The following ROBO2 variants were observed in gnomAD, a reference collection of about 807,000 sequenced individuals.
The protein encoded by ROBO2 is roundabout guidance receptor 2, also known as roundabout homolog 2.
Under a neutral mutation model 160.8 loss-of-function variants are expected in ROBO2, and 53 were observed. The observed-to-expected ratio is 0.33, with a 90% CI of 0.26 to 0.41. The LOEUF (loss-of-function observed/expected upper bound fraction) is 0.41, where lower values mean the gene tolerates loss of function less well. ROBO2 is among the 10% of genes least tolerant of loss of function. The pLI is 1.00. For missense variants in ROBO2, 1,577 were observed against 1,722.4 expected, an observed-to-expected ratio of 0.92 and a Z score of 1.49; for synonymous variants, 664 against 611.7, an observed-to-expected ratio of 1.09 and a Z score of -1.26.
chr3:75,919,561 A>G (rs1165667968), intron 1 of ROBO2, among the ~76,000 whole-genome samples: 1 of 152,204 alleles, frequency 6.6e-6, no homozygotes, highest in Admixed American at 6.5e-5. Flanking sequence ...AAAATGAGTT[A>G]GGGAGGAGTC....
chr3:75,954,547 C>T (rs184443797), intron 2 of ROBO2, among the ~76,000 whole-genome samples: 5 of 152,000 alleles, frequency 3.3e-5, no homozygotes, highest in Admixed American at 3.3e-4. Context: ...CCTCTGTTAA[C>T]GTTATGTCCC....
At chr3:75,978,708 G>A (rs1259721261) in intron 2 of ROBO2, among the ~76,000 whole-genome samples, 1 of 151,540 alleles carries the variant, frequency 6.6e-6, no homozygotes, top group African/African-American at 2.4e-5. Flanking sequence ...ACACATGCAA[G>A]TTCCATGAAA....
intron 2 of ROBO2, among the ~76,000 whole-genome samples, chr3:76,332,894 T>C (rs1221743568): frequency 6.6e-6 from 1 of 152,230 alleles, no homozygotes; most frequent in Non-Finnish European, 1.5e-5. Context: ...TTTTTTGTTA[T>C]ATAACACAAC....
At chr3:76,743,006 C>T (rs2108069460) in intron 2 of ROBO2, among the ~76,000 whole-genome samples, 1 of 152,172 alleles carries the variant, frequency 6.6e-6, no homozygotes, top group South Asian at 2.1e-4. Context: ...TTAGAAAAAT[C>T]CTCCTATTTT....
intron 2 of ROBO2, among the ~76,000 whole-genome samples, chr3:77,125,847 T>C (rs545706593): frequency 2.0e-5 from 3 of 152,152 alleles, no homozygotes; most frequent in African/African-American, 7.2e-5. Flanking sequence ...TAAAATAAAC[T>C]ATATACAATT....
intron 2 of ROBO2, among the ~76,000 whole-genome samples, chr3:77,172,488 T>C (rs2150753357): frequency 6.6e-6 from 1 of 152,326 alleles, no homozygotes; most frequent in East Asian, 1.9e-4. Flanking sequence ...TGCATTATTC[T>C]ACCATTCAGA....
intron 2 of ROBO2, among the ~76,000 whole-genome samples, chr3:77,268,924 CTA>C (rs1236176444): frequency 6.6e-6 from 1 of 152,066 alleles, no homozygotes; most frequent in Non-Finnish European, 1.5e-5. Flanking sequence ...TAGTTATATT[CTA>C]TGTTTGTAAT....
chr3:76,200,621 A>T (rs1309402988), intron 2 of ROBO2, among the ~76,000 whole-genome samples: 1 of 152,212 alleles, frequency 6.6e-6, no homozygotes, highest in Non-Finnish European at 1.5e-5. Context: ...ACAGAATTAA[A>T]TTAATTTCTC....
intron 2 of ROBO2, among the ~76,000 whole-genome samples, chr3:76,673,525 T>G (rs2092325293): frequency 6.6e-6 from 1 of 152,186 alleles, no homozygotes; most frequent in Non-Finnish European, 1.5e-5. Context: ...TCAGAACCAT[T>G]CATATGTTTT....
chr3:75,979,318 G>T lies in ROBO2; in HGVS notation c.109+41716G>T, dbSNP rs59569358. Among the ~76,000 whole-genome samples the T allele has an allele frequency of 3.1e-3, 466 of 151,548 alleles. 4 individuals carry two copies. The highest frequency in any genetic ancestry group is 0.014 in the East Asian group (71 of 5,106). On this transcript the variant is annotated intron_variant, in intron 2 of 26. Transcript: ENST00000487694. Reference sequence around the variant, plus strand: ...GTAAGGGAATATACACACATATATAGAGAGAGATAATAATAGACTTGCTTA... The same window carrying T: ...GTAAGGGAATATACACACATATATATAGAGAGATAATAATAGACTTGCTTA...
chr3:76,931,133 A>C (rs903965540), intron 2 of ROBO2, among the ~76,000 whole-genome samples: 4 of 152,172 alleles, frequency 2.6e-5, no homozygotes, highest in African/African-American at 9.7e-5. Flanking sequence ...TTCTGTTACT[A>C]TGTTAAAGTA....
chr3:76,921,726 G>A (rs2076674828), intron 2 of ROBO2, among the ~76,000 whole-genome samples: 1 of 151,894 alleles, frequency 6.6e-6, no homozygotes, highest in African/African-American at 2.4e-5. Flanking sequence ...CACCATTCTT[G>A]GCACTTGAGA....
intron 2 of ROBO2, among the ~76,000 whole-genome samples, chr3:76,142,299 A>G (rs909551888): frequency 2.0e-5 from 3 of 152,054 alleles, no homozygotes; most frequent in African/African-American, 7.2e-5. Context: ...CATATGATCC[A>G]GCAATCCCAC....
At chr3:77,020,842 G>T (rs935788007) in intron 2 of ROBO2, among the ~76,000 whole-genome samples, 1 of 152,060 alleles carries the variant, frequency 6.6e-6, no homozygotes, top group Admixed American at 6.5e-5. Flanking sequence ...GTAATTTTTA[G>T]CACTTAAATA....
At chr3:75,928,861 C>CGTGTGTGT (rs60525375) in intron 1 of ROBO2, among the ~76,000 whole-genome samples, 1,370 of 109,030 alleles carry the variant, frequency 0.013, 20 homozygotes, top group Admixed American at 0.019. Flanking sequence ...CTGGATAAGA[C>CGTGTGTGT]GTGTGTGTGT....
At chr3:77,304,987 C>T (rs1391105002) in intron 2 of ROBO2, among the ~76,000 whole-genome samples, 1 of 152,176 alleles carries the variant, frequency 6.6e-6, no homozygotes, top group Non-Finnish European at 1.5e-5. Flanking sequence ...TCTCTTTGGG[C>T]TTTATTGTGA....
At chr3:77,386,446 G>A (rs2074105537) in intron 2 of ROBO2, among the ~76,000 whole-genome samples, 1 of 152,060 alleles carries the variant, frequency 6.6e-6, no homozygotes, top group Non-Finnish European at 1.5e-5. Flanking sequence ...CTGTAATTCA[G>A]ACTGTGAAAA....
chr3:76,484,751 G>T (rs76824525), intron 2 of ROBO2, among the ~76,000 whole-genome samples: 1 of 152,170 alleles, frequency 6.6e-6, no homozygotes, highest in East Asian at 1.9e-4. Flanking sequence ...GTGGTAGCTA[G>T]TTCTCTGTTT....
intron 2 of ROBO2, among the ~76,000 whole-genome samples, chr3:76,872,364 C>G (rs948295907): frequency 3.3e-5 from 5 of 151,742 alleles, no homozygotes; most frequent in African/African-American, 1.2e-4. Context: ...ATAATGAAAC[C>G]ACAAATTATC....
Sources: gnomAD v4.1 joint callset for allele counts (sites outside exome capture counted in the v4.1 genomes callset) on GRCh38, gnomAD v4.1.1 for gene constraint, MANE v1.5 for transcripts, NCBI Gene and HGNC (gene_info 2026-07-23, HGNC 2026-07-21) for gene names.